The following MMS22L variants were observed in gnomAD, a reference collection of about 807,000 sequenced individuals.
MMS22L encodes the protein MMS22 like, DNA repair protein.
MMS22L carries 74 observed loss-of-function variants against 159.1 expected under a neutral mutation model. That is an observed-to-expected ratio of 0.47 (90% CI 0.39 to 0.56). MMS22L has a LOEUF of 0.56. MMS22L is among the 20% of genes least tolerant of loss of function. The pLI, the probability that MMS22L is intolerant of heterozygous loss-of-function variation, is 0.00. For synonymous variants in MMS22L, 517 were observed against 506.9 expected, an observed-to-expected ratio of 1.02 and a Z score of -0.27; for missense variants, 1,351 against 1,422.1, an observed-to-expected ratio of 0.95 and a Z score of 0.80.
At chr6:97,278,781 T>G (rs1439489660) in intron 4 of MMS22L, 68 bp downstream of exon 4, 8 of 1,295,780 alleles carry the variant, frequency 6.2e-6, no homozygotes, top group Non-Finnish European at 7.7e-6. Context: ...TATACCATCA[T>G]GGACCCATGT....
chr6:97,227,493 G>A (rs1378408194), intron 14 of MMS22L, among the ~76,000 whole-genome samples: 1 of 152,024 alleles, frequency 6.6e-6, no homozygotes, highest in Non-Finnish European at 1.5e-5. Context: ...TTCCCAAGAA[G>A]CACAGGGAAT....
Position 97,169,443 on chromosome 6 carries a change from A to G in MMS22L, c.2840-1203T>C, listed in dbSNP as rs76985717. On this transcript the variant is annotated intron_variant, in intron 19 of 24. Coordinates refer to ENST00000683635, the MANE Select transcript of MMS22L (RefSeq NM_001350599.2). ...AAACTTTTATATTTTATTCCATCCT[A>G]GAAAGCAAAAACGATAAAATTCAAA... Among the ~76,000 whole-genome samples the G allele has an allele frequency of 8.5e-3, 1,287 of 152,256 alleles. 21 individuals are homozygous for G. The highest frequency in any genetic ancestry group is 0.03 in the African/African-American group (1,229 of 41,564).
chr6:97,233,414 C>A (rs1170749585), intron 12 of MMS22L, among the ~76,000 whole-genome samples: 1 of 152,082 alleles, frequency 6.6e-6, no homozygotes, highest in Non-Finnish European at 1.5e-5. Context: ...AATACAGATA[C>A]CGGGTTAGAT....
At chr6:97,175,893 T>A (rs1419484894) in intron 18 of MMS22L, among the ~76,000 whole-genome samples, 1 of 152,196 alleles carries the variant, frequency 6.6e-6, no homozygotes, top group African/African-American at 2.4e-5. Context: ...CAAGTCTGAA[T>A]AACCATACTT....
At chr6:97,161,850 T>C (rs1322677524) in intron 22 of MMS22L, 152 bp downstream of exon 22, 4 of 742,014 alleles carry the variant, frequency 5.4e-6, no homozygotes, top group Admixed American at 3.5e-5. Context: ...TAATCTGAGC[T>C]GCTAGCTGGA....
chr6:97,200,546 A>G (rs985172801), intron 14 of MMS22L, among the ~76,000 whole-genome samples: 8 of 152,120 alleles, frequency 5.3e-5, no homozygotes, highest in African/African-American at 1.4e-4. Flanking sequence ...CTATTTGTAC[A>G]TGACAGGTTT....
At chr6:97,148,984 C>A (rs1440003152) in intron 24 of MMS22L, among the ~76,000 whole-genome samples, 1 of 152,122 alleles carries the variant, frequency 6.6e-6, no homozygotes, top group Non-Finnish European at 1.5e-5. Context: ...TATTTAGATA[C>A]ACAAATACTT....
chr6:97,165,188 C>CACTTTAAT lies in MMS22L; in HGVS notation c.3221+50_3221+57dup, dbSNP rs1336592291. The CACTTTAAT allele has an allele frequency of 1.9e-5, 28 of 1,481,132 alleles. No individual in the cohort carries two copies. The African/African-American group carries it at 3.5e-4, about 19-fold the overall frequency. 91.7% of individuals were successfully genotyped at this position (1,481,132 alleles called of 1,614,324 possible). ...CAATATGTTTGAAATGCCACTTTAT[C>CACTTTAAT]ACTTTAATAGAGCTTAATAATTTGT... On this transcript the variant is annotated intron_variant, in intron 21 of 24. Coordinates refer to ENST00000683635, the MANE Select transcript of MMS22L (RefSeq NM_001350599.2).
chr6:97,227,642 C>T (rs1470556514), intron 14 of MMS22L, among the ~76,000 whole-genome samples: 1 of 152,036 alleles, frequency 6.6e-6, no homozygotes, highest in Admixed American at 6.6e-5. Context: ...TAAATAAATT[C>T]CCAAAATTTG....
intron 22 of MMS22L, 130 bp from the exon 23 acceptor site, chr6:97,151,997 C>T (rs1177739405): frequency 1.7e-6 from 1 of 604,620 alleles, no homozygotes; most frequent in Non-Finnish European, 2.8e-6. Flanking sequence ...TTCTATTTTT[C>T]AAAATGAAAT....
At chr6:97,229,867 T>C (rs1010706268) in intron 13 of MMS22L, among the ~76,000 whole-genome samples, 3 of 152,202 alleles carry the variant, frequency 2.0e-5, no homozygotes, top group Admixed American at 6.5e-5. Context: ...GCTCTTATTT[T>C]ACTTATACCT....
At chr6:97,196,456 T>C (rs566744271) in intron 14 of MMS22L, among the ~76,000 whole-genome samples, 3 of 152,330 alleles carry the variant, frequency 2.0e-5, no homozygotes, top group South Asian at 4.1e-4. Flanking sequence ...CCAGTAACTA[T>C]AGTATTGATA....
intron 4 of MMS22L, among the ~76,000 whole-genome samples, chr6:97,276,971 G>C (rs761989710): frequency 1.3e-5 from 2 of 151,998 alleles, no homozygotes; most frequent in Non-Finnish European, 1.5e-5. Context: ...CATGAACCAG[G>C]GACCCATCAG....
intron 14 of MMS22L, 27 bp from the exon 15 acceptor site, chr6:97,186,717 C>A (rs973772112): frequency 6.9e-7 from 1 of 1,438,946 alleles, no homozygotes; most frequent in South Asian, 1.5e-5. Flanking sequence ...ATACAGCTAA[C>A]ACCCTTAATA....
Position 97,273,224 on chromosome 6 carries a change from C to G in MMS22L, c.341-162G>C. On this transcript the variant is annotated intron_variant, in intron 4 of 24. Transcript: ENST00000683635. ...TCCCCGCTACTCCTCAAAAAATGCTCTTATTAAAGTCACCAATCACACCCA... is the reference window on the plus strand; with the variant it reads ...TCCCCGCTACTCCTCAAAAAATGCTGTTATTAAAGTCACCAATCACACCCA... 4 of 620,200 alleles carry G rather than the reference C, an allele frequency of 6.4e-6. 1 individual carries two copies. In the South Asian group the frequency reaches 8.2e-5, roughly 13 times the overall value. The allele number at this position is 620,200 out of a possible 1,614,324, so 38.4% of individuals were successfully genotyped here.
chr6:97,258,581 C>T (rs1223854045), intron 9 of MMS22L: 1 of 152,088 alleles, frequency 6.6e-6, no homozygotes, highest in Non-Finnish European at 1.5e-5. Context: ...AAATTCTAAT[C>T]CAACATAATG....
At position 97,228,981 on chromosome 6, in the gene MMS22L, T is replaced by C. The variant is rs373504857; in HGVS notation, c.1952A>G (p.Asp651Gly). Residue 651 changes from aspartate (D) to glycine (G), a missense_variant, in exon 14 of 25, where the codon GAT (aspartate) becomes GGT (glycine). By Grantham distance (94) the Asp-to-Gly change is moderately conservative. Transcript: ENST00000683635. ...TGCTCGCAGAAGCATACTAAATCCA[T>C]CATTAAGCAGTTTTTCATGGGAAGG... ...LYPSHEKLLN[D>G]GFSMLLRACR... 105 of 1,613,986 alleles carry C rather than the reference T, an allele frequency of 6.5e-5. No homozygotes were observed. The highest frequency in any genetic ancestry group is 8.0e-5 in the Non-Finnish European group (94 of 1,180,010).
chr6:97,265,774 C>T (rs1285345093), intron 8 of MMS22L: 1 of 150,860 alleles, frequency 6.6e-6, no homozygotes, highest in Admixed American at 6.6e-5. Flanking sequence ...AGTGCAGTGG[C>T]ACAATATCGC....
chr6:97,175,629 C>A (rs1357213638), intron 18 of MMS22L, among the ~76,000 whole-genome samples: 1 of 152,106 alleles, frequency 6.6e-6, no homozygotes, highest in Non-Finnish European at 1.5e-5. Flanking sequence ...CTGAGTTACA[C>A]AGCTTCCCAA....
Sources: allele counts gnomAD v4.1 joint callset (sites outside exome capture counted in the v4.1 genomes callset), GRCh38; gene constraint gnomAD v4.1.1; transcripts MANE v1.5; gene names NCBI Gene and HGNC (gene_info 2026-07-23, HGNC 2026-07-21).